Variants in OSBP2 observed in about 807,000 individuals in gnomAD.
OSBP2 encodes oxysterol-binding protein 2.
A neutral mutation model predicts 96.0 loss-of-function variants in OSBP2; 66 were observed. That is an observed-to-expected ratio of 0.69 (90% CI 0.56 to 0.84). The LOEUF (loss-of-function observed/expected upper bound fraction) is 0.84, where lower values mean the gene tolerates loss of function less well. OSBP2 is among the 40% of genes least tolerant of loss of function. The pLI is 0.00. For synonymous variants in OSBP2, 525 were observed against 520.9 expected, an observed-to-expected ratio of 1.01 and a Z score of -0.11; for missense variants, 1,038 against 1,222.7, an observed-to-expected ratio of 0.85 and a Z score of 2.25.
chr22:30,794,206 G>C (rs2145830586), intron 2 of OSBP2, among the ~76,000 whole-genome samples: 1 of 149,910 alleles, frequency 6.7e-6, no homozygotes, highest in East Asian at 2.0e-4. Flanking sequence ...TAAAAAAAAT[G>C]TTTTTTAATA....
chr22:30,874,622 T>G (rs1268143919), intron 3 of OSBP2, among the ~76,000 whole-genome samples: 2 of 152,186 alleles, frequency 1.3e-5, no homozygotes, highest in Non-Finnish European at 2.9e-5. Context: ...CGCAGGGCGC[T>G]GCAGCCATCC....
At chr22:30,803,338 A>C (rs2090880654) in intron 2 of OSBP2, among the ~76,000 whole-genome samples, 1 of 152,200 alleles carries the variant, frequency 6.6e-6, no homozygotes, top group African/African-American at 2.4e-5. Flanking sequence ...GCACTTTCCC[A>C]GTCCTGGGAT....
In OSBP2 at chr22:30,776,782, C is replaced by T. The variant is rs562035295; in HGVS notation, c.853+35413C>T. ...TGCATGGCTTAGTTAAGGGAAGATA[C>T]TTCCTGGAAATATTCACGTTAATCC... On this transcript the variant is annotated intron_variant, in intron 2 of 13. Transcript: ENST00000332585. Among the ~76,000 whole-genome samples the T allele has an allele frequency of 2.0e-5, 3 of 152,288 alleles. No homozygotes were observed. In the East Asian group the frequency reaches 5.8e-4, roughly 29 times the overall value.
intron 2 of OSBP2, among the ~76,000 whole-genome samples, chr22:30,837,085 T>TACA (rs532042404): frequency 1.3e-5 from 2 of 151,924 alleles, no homozygotes; most frequent in South Asian, 2.1e-4. Context: ...ACCCCATCTC[T>TACA]ACAACAACAA....
chr22:30,902,594 T>TGGTC, intron 12 of OSBP2: 1 of 759,242 alleles, frequency 1.3e-6, no homozygotes, highest in Non-Finnish European at 2.3e-6. Flanking sequence ...ACTTCAGAGA[T>TGGTC]GGTCCTCCCT....
At chr22:30,717,784 C>T (rs1170575183) in intron 1 of OSBP2, among the ~76,000 whole-genome samples, 1 of 152,166 alleles carries the variant, frequency 6.6e-6, no homozygotes, top group Non-Finnish European at 1.5e-5. Context: ...ATCTCTGCCT[C>T]TCCAGCATCA....
chr22:30,723,296 G>A (rs1051942864), intron 1 of OSBP2, among the ~76,000 whole-genome samples: 1 of 151,622 alleles, frequency 6.6e-6, no homozygotes, highest in African/African-American at 2.4e-5. Flanking sequence ...TAGTAGAGAC[G>A]GGGTTTCACC....
intron 2 of OSBP2, among the ~76,000 whole-genome samples, chr22:30,756,385 G>A (rs1181700080): frequency 6.6e-6 from 1 of 152,098 alleles, no homozygotes; most frequent in African/African-American, 2.4e-5. Context: ...CAAAGTGTAT[G>A]TAATGATAAA....
chr22:30,805,560 T>G (rs906668525), intron 2 of OSBP2, among the ~76,000 whole-genome samples: 1 of 152,252 alleles, frequency 6.6e-6, no homozygotes, highest in Non-Finnish European at 1.5e-5. Context: ...TTGCACAGGA[T>G]TGGCATGTGG....
chr22:30,816,456 A>G (rs2091084409), intron 2 of OSBP2, among the ~76,000 whole-genome samples: 1 of 152,178 alleles, frequency 6.6e-6, no homozygotes, highest in Non-Finnish European at 1.5e-5. Context: ...TGATCTCCTC[A>G]GACCCACGTG....
At chr22:30,844,944 T>C (rs2038838169) in intron 2 of OSBP2, among the ~76,000 whole-genome samples, 1 of 152,168 alleles carries the variant, frequency 6.6e-6, no homozygotes. Flanking sequence ...ATTTCAATAA[T>C]GTTGTGTCTC....
At chr22:30,821,750 A>T (rs1020984036) in intron 2 of OSBP2, among the ~76,000 whole-genome samples, 2 of 152,222 alleles carry the variant, frequency 1.3e-5, no homozygotes, top group Non-Finnish European at 2.9e-5. Flanking sequence ...TGTTTCTGTT[A>T]ACATCTGAAA....
intron 1 of OSBP2, among the ~76,000 whole-genome samples, chr22:30,696,385 C>A (rs1419130328): frequency 1.3e-5 from 2 of 152,144 alleles, no homozygotes; most frequent in Non-Finnish European, 2.9e-5. Flanking sequence ...CATCAGCATT[C>A]CCTGAAGAGC....
At chr22:30,753,462 G>A (rs974258288) in intron 2 of OSBP2, among the ~76,000 whole-genome samples, 1 of 152,138 alleles carries the variant, frequency 6.6e-6, no homozygotes, top group Non-Finnish European at 1.5e-5. Flanking sequence ...GTCACCAGGG[G>A]AGGTTCAAGA....
intron 2 of OSBP2, among the ~76,000 whole-genome samples, chr22:30,744,558 C>T (rs576866984): frequency 2.1e-4 from 32 of 152,106 alleles, no homozygotes; most frequent in Non-Finnish European, 4.1e-4. Context: ...ATCAGGAGTT[C>T]GAGACCACCC....
intron 12 of OSBP2, among the ~76,000 whole-genome samples, chr22:30,897,771 G>A (rs2040097156): frequency 6.6e-6 from 1 of 152,126 alleles, no homozygotes; most frequent in Non-Finnish European, 1.5e-5. Flanking sequence ...CCAACATGGT[G>A]AAACCCTGTT....
chr22:30,852,200 C>G (rs2038990432), intron 2 of OSBP2, among the ~76,000 whole-genome samples: 1 of 152,050 alleles, frequency 6.6e-6, no homozygotes, highest in South Asian at 2.1e-4. Flanking sequence ...TTGTTTCTAC[C>G]CCCTATTTTC....
At chr22:30,694,405 G>A, upstream of OSBP2, 2 of 1,460,264 alleles carry the variant, frequency 1.4e-6, no homozygotes, top group Non-Finnish European at 1.8e-6. Flanking sequence ...TGTGCTTCGT[G>A]CGCATTTCGT....
rs136297 is a variant in OSBP2, at chr22:30,790,653, T to TAA, written c.853+49300_853+49301dup. Reference sequence around the variant, plus strand: ...CCTGAAGAGATATGTCAAACTGCATTAAAAAAAAAAAAAAAAAGAGGGAGC... The same window carrying TAA: ...CCTGAAGAGATATGTCAAACTGCATTAAAAAAAAAAAAAAAAAAAGAGGGAGC... On this transcript the variant is annotated intron_variant, in intron 2 of 13. Coordinates refer to ENST00000332585, the MANE Select transcript of OSBP2 (RefSeq NM_030758.4). Among the ~76,000 whole-genome samples, 732 of 137,010 alleles carry TAA rather than the reference T, an allele frequency of 5.3e-3. 7 individuals are homozygous for TAA. Among genetic ancestry groups the TAA allele is most frequent in the African/African-American group, 0.015 (547 of 36,462 alleles). The allele number at this position is 137,010 out of a possible 152,430, so 89.9% of individuals were successfully genotyped here.
Sources: gnomAD v4.1 joint callset for allele counts (sites outside exome capture counted in the v4.1 genomes callset) on GRCh38, gnomAD v4.1.1 for gene constraint, MANE v1.5 for transcripts, NCBI Gene and HGNC (gene_info 2026-07-23, HGNC 2026-07-21) for gene names.